The following DPH6 variants were observed in gnomAD, a reference collection of about 807,000 sequenced individuals.
The protein encoded by DPH6 is diphthamine biosynthesis 6.
A neutral mutation model predicts 38.2 loss-of-function variants in DPH6; 33 were observed. That is an observed-to-expected ratio of 0.86 (90% CI 0.65 to 1.15). The LOEUF is 1.15. Ranked by LOEUF, DPH6 falls within the 50% of genes most tolerant of loss-of-function variation. The pLI is 0.00. For missense variants in DPH6, 325 were observed against 320.0 expected, an observed-to-expected ratio of 1.02 and a Z score of -0.12; for synonymous variants, 108 against 103.0, an observed-to-expected ratio of 1.05 and a Z score of -0.30.
the DPH6 span, among the ~76,000 whole-genome samples, chr15:35,159,381 A>T: frequency 6.6e-6 from 1 of 151,932 alleles, no homozygotes; most frequent in Admixed American, 6.6e-5. Context: ...AATCAGCATA[A>T]ATGCAGGCTG....
chr15:35,522,762 C>G (rs2141240153), intron 3 of DPH6, among the ~76,000 whole-genome samples: 1 of 151,756 alleles, frequency 6.6e-6, no homozygotes, highest in Admixed American at 6.6e-5. Flanking sequence ...ATTAAATGTG[C>G]AAAAATTATA....
chr15:35,206,724 T>C, the DPH6 span, among the ~76,000 whole-genome samples: 17 of 152,298 alleles, frequency 1.1e-4, no homozygotes, highest in African/African-American at 3.9e-4. Flanking sequence ...GGATACATGG[T>C]AACTAAATAA....
intron 3 of DPH6, among the ~76,000 whole-genome samples, chr15:35,340,874 G>C (rs1010835868): frequency 3.3e-5 from 5 of 152,052 alleles, no homozygotes; most frequent in African/African-American, 1.2e-4. Flanking sequence ...ATCTTCTCAT[G>C]GAGTATCTTA....
chr15:35,437,857 T>C (rs776249314), intron 5 of DPH6, among the ~76,000 whole-genome samples: 10 of 152,220 alleles, frequency 6.6e-5, no homozygotes, highest in African/African-American at 9.6e-5. Context: ...CATTTTACAA[T>C]GGCAGCCTAG....
At chr15:35,279,453 T>A (rs1462871253) in intron 3 of DPH6, among the ~76,000 whole-genome samples, 1 of 152,050 alleles carries the variant, frequency 6.6e-6, no homozygotes, top group East Asian at 1.9e-4. Context: ...TGAAATGTAA[T>A]CTCCAGTGTT....
downstream of DPH6, among the ~76,000 whole-genome samples, chr15:35,366,265 T>C (rs2052658657): frequency 6.7e-6 from 1 of 148,334 alleles, no homozygotes; most frequent in African/African-American, 2.4e-5. Flanking sequence ...TGTGTGTGTA[T>C]ACATATAAAA....
intron 3 of DPH6, among the ~76,000 whole-genome samples, chr15:35,364,601 A>G (rs746454098): frequency 6.6e-6 from 1 of 152,118 alleles, no homozygotes; most frequent in Non-Finnish European, 1.5e-5. Flanking sequence ...ATTTAGCACT[A>G]TAAAAATTTG....
At chr15:35,222,956 A>T (rs1277554773) in intron 3 of DPH6, among the ~76,000 whole-genome samples, 1 of 152,190 alleles carries the variant, frequency 6.6e-6, no homozygotes, top group African/African-American at 2.4e-5. Flanking sequence ...TGCCTGAGGC[A>T]GTTCCCAGCT....
chr15:35,474,503 AG>A (rs2054241103), intron 3 of DPH6, among the ~76,000 whole-genome samples: 1 of 152,164 alleles, frequency 6.6e-6, no homozygotes, highest in South Asian at 2.1e-4. Flanking sequence ...AATTCTTTTA[AG>A]GGTAACCTGC....
Position 35,373,545 on chromosome 15 carries a change from AAAGCGTAGAT to A in DPH6, c.716_725del (p.Tyr239PhefsTer2). On this transcript the variant is annotated frameshift_variant, in exon 8 of 9. Transcript: ENST00000256538. LOFTEE classifies it high-confidence loss of function. ...CCTTGTCCTCCAAGTGCAATTCTAA[AAAGCGTAGAT>A]AAGCCACAGGTGCAAATGCATCAGC... 6.2e-7 allele frequency: 1 copy of A among 1,607,994 alleles called. No homozygotes were observed. Among genetic ancestry groups the A allele is most frequent in the Non-Finnish European group, 8.5e-7 (1 of 1,177,176 alleles).
chr15:35,460,903 TAA>T (rs549293460), intron 3 of DPH6, among the ~76,000 whole-genome samples: 2 of 114,774 alleles, frequency 1.7e-5, no homozygotes, highest in Non-Finnish European at 3.4e-5. Flanking sequence ...CACAAACTGG[TAA>T]AAAAAAAAAA....
At chr15:35,533,975 C>T (rs1462625405) in intron 3 of DPH6, among the ~76,000 whole-genome samples, 1 of 152,092 alleles carries the variant, frequency 6.6e-6, no homozygotes. Flanking sequence ...CATTCACAGT[C>T]AGCTTTCCTC....
At chr15:35,167,728 G>A in the DPH6 span, among the ~76,000 whole-genome samples, 1 of 151,888 alleles carries the variant, frequency 6.6e-6, no homozygotes, top group Admixed American at 6.6e-5. Flanking sequence ...TTCAAATTCA[G>A]AACACTTTGA....
the DPH6 span, among the ~76,000 whole-genome samples, chr15:35,165,497 C>T: frequency 7.2e-5 from 11 of 151,726 alleles, no homozygotes; most frequent in Admixed American, 7.3e-4. Context: ...TTTCCAAATT[C>T]CATAACTATA....
At chr15:35,367,763 G>C (rs992186134), downstream of DPH6, among the ~76,000 whole-genome samples, 1 of 151,682 alleles carries the variant, frequency 6.6e-6, no homozygotes, top group Admixed American at 6.6e-5. Context: ...TATGTAAAGT[G>C]AAAGTCTAAA....
At chr15:35,505,665 T>G (rs954926932) in intron 3 of DPH6, among the ~76,000 whole-genome samples, 15 of 152,048 alleles carry the variant, frequency 9.9e-5, no homozygotes, top group African/African-American at 3.4e-4. Flanking sequence ...TTGAAAATAA[T>G]TCAACTTTTA....
chr15:35,420,548 G>A (rs954337956), intron 5 of DPH6, among the ~76,000 whole-genome samples: 3 of 151,916 alleles, frequency 2.0e-5, no homozygotes, highest in South Asian at 4.2e-4. Context: ...AGACAGTCTC[G>A]CTCTGTTGCC....
chr15:35,382,962 G>A (rs1447570716), intron 6 of DPH6, among the ~76,000 whole-genome samples: 1 of 152,074 alleles, frequency 6.6e-6, no homozygotes, highest in East Asian at 1.9e-4. Flanking sequence ...TCTCCTATCT[G>A]GTTGGCATAT....
chr15:35,483,829 G>T (rs1242239318), intron 3 of DPH6, among the ~76,000 whole-genome samples: 1 of 152,138 alleles, frequency 6.6e-6, no homozygotes, highest in East Asian at 1.9e-4. Flanking sequence ...CAACATATTG[G>T]TATAATAGAA....
Sources: gnomAD v4.1 joint callset for allele counts (sites outside exome capture counted in the v4.1 genomes callset) on GRCh38, gnomAD v4.1.1 for gene constraint, MANE v1.5 for transcripts, NCBI Gene and HGNC (gene_info 2026-07-23, HGNC 2026-07-21) for gene names.